BARD1: variants seen among roughly 807,000 people sequenced by gnomAD.
The protein encoded by BARD1 is BRCA1 associated RING domain 1.
A neutral mutation model predicts 77.0 loss-of-function variants in BARD1; 73 were observed. The ratio of observed to expected loss-of-function variants is 0.95; its 90% CI spans 0.79 to 1.15. The LOEUF (loss-of-function observed/expected upper bound fraction) is 1.15. BARD1 is among the 50% of genes most tolerant of loss of function. The pLI, the probability that BARD1 is intolerant of heterozygous loss-of-function variation, is 0.00. For synonymous variants in BARD1, 384 were observed against 338.0 expected (o/e 1.14, Z -1.49); for missense variants, 993 against 938.8 (o/e 1.06, Z -0.75).
In BARD1 at chr2:214,781,403, A is replaced by T; in HGVS notation, c.471T>A (p.Val157=). Residue 157 remains valine (V), a synonymous_variant, in exon 4 of 11, where the codon GTT becomes GTA. Transcript: ENST00000260947. ...FSPRSKKVRY[V]VSKASVQTQP... ...GGGTTTGCACTGAAGCTTTACTCACAACATATCTGACTTTCTTACTTCGAG... is the reference window on the plus strand; with the variant it reads ...GGGTTTGCACTGAAGCTTTACTCACTACATATCTGACTTTCTTACTTCGAG... 6.2e-7 allele frequency: 1 copy of T among 1,613,682 alleles called. No homozygotes were observed. The highest frequency in any genetic ancestry group is 1.1e-5 in the South Asian group (1 of 91,046).
At chr2:214,739,278 A>C (rs1692705450) in intron 9 of BARD1, among the ~76,000 whole-genome samples, 1 of 152,136 alleles carries the variant, frequency 6.6e-6, no homozygotes, top group Admixed American at 6.6e-5. Context: ...ATCAAACATC[A>C]CTATTCTATA....
In BARD1 at chr2:214,780,650, C is replaced by T. The variant is rs1694945753; in HGVS notation, c.1224G>A (p.Met408Ile). Residue 408 changes from methionine to isoleucine, a missense_variant, in exon 4 of 11, where the codon ATG becomes ATA. Physicochemically the swap from Met to Ile is conservative, Grantham distance 10. Transcript: ENST00000260947. Reference protein sequence around the residue: ...TLSSSSYRRVMSSPSAMKLLP... With the variant: ...TLSSSSYRRVISSPSAMKLLP... Reference sequence around the variant, plus strand: ...ACAGCTTCATTGCTGAGGGACTAGACATCACTCGCCTGTAACTTGAACTAC... The same window carrying T: ...ACAGCTTCATTGCTGAGGGACTAGATATCACTCGCCTGTAACTTGAACTAC... 2 of 1,614,082 alleles carry T rather than the reference C, an allele frequency of 1.2e-6. No homozygotes were observed. Among genetic ancestry groups the T allele is most frequent in the Non-Finnish European group, 1.7e-6 (2 of 1,179,986 alleles).
chr2:214,744,849 T>A (rs1411582989), intron 9 of BARD1, among the ~76,000 whole-genome samples: 1 of 152,140 alleles, frequency 6.6e-6, no homozygotes, highest in Non-Finnish European at 1.5e-5. Context: ...GCCAGGATGA[T>A]CTCGATCTCC....
chr2:214,748,522 C>T (rs557201830), intron 7 of BARD1, among the ~76,000 whole-genome samples: 49 of 151,610 alleles, frequency 3.2e-4, no homozygotes, highest in Non-Finnish European at 6.3e-4. Flanking sequence ...GTTAAAAAAT[C>T]TAGAAAAAAA....
At chr2:214,733,321 C>G (rs759294653) in intron 9 of BARD1, among the ~76,000 whole-genome samples, 1 of 152,104 alleles carries the variant, frequency 6.6e-6, no homozygotes, top group Non-Finnish European at 1.5e-5. Context: ...CAACAAGACC[C>G]AAGTCTAAAA....
intron 6 of BARD1, among the ~76,000 whole-genome samples, chr2:214,762,278 C>T (rs1406770891): frequency 2.0e-5 from 3 of 152,056 alleles, no homozygotes; most frequent in Admixed American, 6.6e-5. Context: ...TCTTGAGAAC[C>T]ATCCCTAAGA....
intron 9 of BARD1, among the ~76,000 whole-genome samples, chr2:214,735,171 T>A (rs1325542443): frequency 6.6e-6 from 1 of 152,148 alleles, no homozygotes; most frequent in South Asian, 2.1e-4. Flanking sequence ...GTATTTAATA[T>A]TTTCCCTGAA....
At chr2:214,786,313 G>T (rs977991414) in intron 3 of BARD1, among the ~76,000 whole-genome samples, 2 of 151,936 alleles carry the variant, frequency 1.3e-5, no homozygotes, top group African/African-American at 2.4e-5. Context: ...ATTAGCAAAA[G>T]AAAAGTACAT....
intron 1 of BARD1, among the ~76,000 whole-genome samples, chr2:214,806,209 C>G (rs1696261229): frequency 6.6e-6 from 1 of 152,172 alleles, no homozygotes; most frequent in Non-Finnish European, 1.5e-5. Flanking sequence ...CCCTCACCAG[C>G]AAGTAATGCT....
At chr2:214,778,565 A>C (rs1694837038) in intron 4 of BARD1, among the ~76,000 whole-genome samples, 1 of 152,132 alleles carries the variant, frequency 6.6e-6, no homozygotes, top group South Asian at 2.1e-4. Flanking sequence ...CCATCATTTT[A>C]TCCTGACTTA....
At chr2:214,736,771 A>G (rs1350232111) in intron 9 of BARD1, among the ~76,000 whole-genome samples, 1 of 152,158 alleles carries the variant, frequency 6.6e-6, no homozygotes, top group Non-Finnish European at 1.5e-5. Flanking sequence ...AGAAGGAGCC[A>G]GTGTAAGTCT....
intron 9 of BARD1, among the ~76,000 whole-genome samples, chr2:214,734,060 C>A (rs1018653237): frequency 6.6e-6 from 1 of 151,896 alleles, no homozygotes; most frequent in Non-Finnish European, 1.5e-5. Flanking sequence ...ATAAAATATT[C>A]TTTTATATTT....
chr2:214,733,451 C>A (rs1352206057), intron 9 of BARD1, among the ~76,000 whole-genome samples: 2 of 152,068 alleles, frequency 1.3e-5, no homozygotes, highest in African/African-American at 4.8e-5. Context: ...GACTGTGAGC[C>A]ATCATGTTAG....
intron 1 of BARD1, among the ~76,000 whole-genome samples, chr2:214,802,191 T>C (rs921076311): frequency 1.3e-5 from 2 of 152,200 alleles, no homozygotes; most frequent in South Asian, 4.1e-4. Flanking sequence ...TTTGATCTTT[T>C]CCCAGGCTAG....
At chr2:214,731,944 A>G (rs921192123) in intron 9 of BARD1, among the ~76,000 whole-genome samples, 4 of 152,256 alleles carry the variant, frequency 2.6e-5, no homozygotes, top group African/African-American at 9.6e-5. Flanking sequence ...ATCAATAAAA[A>G]TAAGTAATTA....
At chr2:214,780,032 AG>A (rs1203157694) in intron 4 of BARD1, among the ~76,000 whole-genome samples, 1 of 152,202 alleles carries the variant, frequency 6.6e-6, no homozygotes, top group African/African-American at 2.4e-5. Context: ...GGTCAGTAAA[AG>A]GAACAGCTGA....
rs73989306 is a variant in BARD1, at chr2:214,727,469, T to C, written c.*1207A>G. Reference sequence around the variant, plus strand: ...ATATTCAATGTCTAGGAAGGAATTATTAAAGAATTCTGCTTCTTAAAAAAA... The same window carrying C: ...ATATTCAATGTCTAGGAAGGAATTACTAAAGAATTCTGCTTCTTAAAAAAA... On this transcript the variant is annotated 3_prime_UTR_variant, in exon 11 of 11. Coordinates refer to ENST00000260947, the MANE Select transcript of BARD1 (RefSeq NM_000465.4). 3.7e-3 allele frequency: 864 copies of C among 232,002 alleles called. 7 individuals are homozygous for C. Among genetic ancestry groups the C allele is most frequent in the African/African-American group, 0.018 (807 of 45,410 alleles). The allele number at this position is 232,002 out of a possible 1,614,324, so 14.4% of individuals were successfully genotyped here. A position where few individuals can be genotyped will look rare whatever the true frequency, so the allele number is the denominator to read the frequency against.
intron 4 of BARD1, among the ~76,000 whole-genome samples, chr2:214,771,530 T>A (rs891199477): frequency 4.0e-5 from 6 of 151,868 alleles, no homozygotes; most frequent in African/African-American, 1.5e-4. Context: ...GAGTTTGAGA[T>A]CAGCCTAGCC....
chr2:214,733,085 GCA>G (rs1692426574), intron 9 of BARD1, among the ~76,000 whole-genome samples: 1 of 152,120 alleles, frequency 6.6e-6, no homozygotes, highest in Non-Finnish European at 1.5e-5. Context: ...TTAAAGATCT[GCA>G]CAGTCAAGTG....
Sources: allele counts gnomAD v4.1 joint callset (sites outside exome capture counted in the v4.1 genomes callset), GRCh38; gene constraint gnomAD v4.1.1; transcripts MANE v1.5; gene names NCBI Gene and HGNC (gene_info 2026-07-23, HGNC 2026-07-21).